Variants in RBMS1 observed in about 807,000 individuals in gnomAD.
RBMS1 encodes the protein RNA-binding motif, single-stranded-interacting protein 1.
RBMS1 carries 17 observed loss-of-function variants against 62.3 expected under a neutral mutation model. The observed-to-expected ratio is 0.27, with a 90% CI of 0.19 to 0.41. The LOEUF (loss-of-function observed/expected upper bound fraction) is 0.41, where lower values mean the gene tolerates loss of function less well. RBMS1 is among the 10% of genes least tolerant of loss of function. The pLI is 1.00. For synonymous variants in RBMS1, 172 were observed against 170.0 expected, an observed-to-expected ratio of 1.01 and a Z score of -0.09; for missense variants, 334 against 504.5, an observed-to-expected ratio of 0.66 and a Z score of 3.24.
chr2:160,336,428 G>C (rs1298461820), intron 2 of RBMS1, among the ~76,000 whole-genome samples: 1 of 152,012 alleles, frequency 6.6e-6, no homozygotes, highest in Non-Finnish European at 1.5e-5. Flanking sequence ...AGAGGGAACA[G>C]GATATTGTAT....
intron 1 of RBMS1, among the ~76,000 whole-genome samples, chr2:160,464,415 T>C (rs1340634842): frequency 1.3e-5 from 2 of 152,230 alleles, no homozygotes; most frequent in African/African-American, 2.4e-5. Flanking sequence ...TTTAAAAACA[T>C]AAAATACAGT....
chr2:160,350,440 T>C (rs1692431067), intron 2 of RBMS1, among the ~76,000 whole-genome samples: 1 of 151,954 alleles, frequency 6.6e-6, no homozygotes, highest in South Asian at 2.1e-4. Flanking sequence ...AACAATGAGG[T>C]ACAAATGAAC....
chr2:160,393,262 T>C (rs1291279828), intron 1 of RBMS1, among the ~76,000 whole-genome samples: 2 of 152,212 alleles, frequency 1.3e-5, no homozygotes, highest in Non-Finnish European at 2.9e-5. Flanking sequence ...AAATCAGACA[T>C]GTTCTTACTA....
intron 1 of RBMS1, among the ~76,000 whole-genome samples, chr2:160,378,656 A>G (rs1694124312): frequency 6.6e-6 from 1 of 151,978 alleles, no homozygotes; most frequent in African/African-American, 2.4e-5. Context: ...TTTCTGTCAT[A>G]AGAGTACACT....
At chr2:160,492,356 G>C (rs1366589522) in intron 1 of RBMS1, among the ~76,000 whole-genome samples, 1 of 152,008 alleles carries the variant, frequency 6.6e-6, no homozygotes, top group African/African-American at 2.4e-5. Flanking sequence ...AATTCTTATT[G>C]TAAAAATAAG....
rs768717065 is a variant in RBMS1, at chr2:160,272,677, G to C, written c.*2095C>G. The C allele has an allele frequency of 6.6e-6, 1 of 151,996 alleles. No homozygotes were observed. The highest frequency in any genetic ancestry group is 2.1e-4 in the South Asian group (1 of 4,816). 9.4% of individuals were successfully genotyped at this position (151,996 alleles called of 1,614,324 possible). ...GTACTAGGTACACAGAGGGTGCTGC[G>C]TTCAGTCTGGACTTTCACAAAGCAG... On this transcript the variant is annotated 3_prime_UTR_variant, in exon 14 of 14. Transcript: ENST00000348849.
intron 2 of RBMS1, among the ~76,000 whole-genome samples, chr2:160,328,954 G>A (rs886482621): frequency 8.5e-5 from 13 of 152,142 alleles, no homozygotes; most frequent in African/African-American, 2.9e-4. Flanking sequence ...CATCCTCTCT[G>A]AAGCAAAACA....
At chr2:160,426,299 AAGGAAG>A (rs1682608397) in intron 1 of RBMS1, among the ~76,000 whole-genome samples, 3 of 29,508 alleles carry the variant, frequency 1.0e-4, no homozygotes, top group Non-Finnish European at 1.6e-4. Context: ...GAAAAGAAAG[AAGGAAG>A]GAAGGAAGGA....
At chr2:160,411,900 G>A (rs1227200049) in intron 1 of RBMS1, among the ~76,000 whole-genome samples, 1 of 152,202 alleles carries the variant, frequency 6.6e-6, no homozygotes, top group African/African-American at 2.4e-5. Flanking sequence ...TTAAATGGCT[G>A]AATGAATATT....
chr2:160,330,271 A>G (rs1691183583), intron 2 of RBMS1, among the ~76,000 whole-genome samples: 1 of 152,224 alleles, frequency 6.6e-6, no homozygotes, highest in South Asian at 2.1e-4. Flanking sequence ...TGAGTTGTCA[A>G]CTGTTGGTTA....
intron 1 of RBMS1, among the ~76,000 whole-genome samples, chr2:160,457,751 G>C (rs12617598): frequency 1 from 152,038 of 152,240 alleles, 75,918 homozygotes; most frequent in Non-Finnish European, 1. Flanking sequence ...ATCAGCTGGG[G>C]AGGGCTGCCT....
intron 1 of RBMS1, among the ~76,000 whole-genome samples, chr2:160,377,090 GTTT>G (rs138453540): frequency 1.3e-5 from 2 of 148,254 alleles, no homozygotes; most frequent in African/African-American, 5.0e-5. Context: ...GGCTTGCTGG[GTTT>G]TTTTTTTAAC....
intron 2 of RBMS1, among the ~76,000 whole-genome samples, chr2:160,348,105 G>A (rs954522692): frequency 6.6e-6 from 1 of 152,036 alleles, no homozygotes; most frequent in Non-Finnish European, 1.5e-5. Flanking sequence ...ATTAAAGGAT[G>A]CTATGTATTG....
At chr2:160,306,750 T>C (rs1689550479) in intron 4 of RBMS1, among the ~76,000 whole-genome samples, 1 of 152,036 alleles carries the variant, frequency 6.6e-6, no homozygotes, top group Non-Finnish European at 1.5e-5. Flanking sequence ...TAAATTTTAC[T>C]TTCTTTTTAG....
At chr2:160,406,382 C>G (rs534802985) in intron 1 of RBMS1, among the ~76,000 whole-genome samples, 51 of 152,312 alleles carry the variant, frequency 3.3e-4, no homozygotes, top group African/African-American at 9.6e-4. Context: ...GGGAAGCCAC[C>G]AAGCATCACT....
At chr2:160,378,728 C>T (rs1273611549) in intron 1 of RBMS1, among the ~76,000 whole-genome samples, 1 of 152,116 alleles carries the variant, frequency 6.6e-6, no homozygotes, top group Admixed American at 6.5e-5. Context: ...ACTAGAATTG[C>T]CTACCCATGG....
intron 1 of RBMS1, among the ~76,000 whole-genome samples, chr2:160,449,208 G>A (rs567593258): frequency 1.4e-4 from 21 of 150,614 alleles, no homozygotes; most frequent in Non-Finnish European, 2.8e-4. Flanking sequence ...GAGGTGGGGG[G>A]CAGCCCCCGC....
intron 7 of RBMS1, among the ~76,000 whole-genome samples, chr2:160,285,279 A>G (rs1212159681): frequency 6.6e-6 from 1 of 151,876 alleles, no homozygotes; most frequent in Non-Finnish European, 1.5e-5. Context: ...AAGGGGAGGG[A>G]GGGGAATTTG....
intron 2 of RBMS1, among the ~76,000 whole-genome samples, chr2:160,358,083 T>A (rs1050217167): frequency 2.6e-5 from 4 of 152,158 alleles, no homozygotes; most frequent in Admixed American, 2.0e-4. Flanking sequence ...GGATTCTATA[T>A]TTCGCTTACC....
Sources: allele counts gnomAD v4.1 joint callset (sites outside exome capture counted in the v4.1 genomes callset), GRCh38; gene constraint gnomAD v4.1.1; transcripts MANE v1.5; gene names NCBI Gene and HGNC (gene_info 2026-07-23, HGNC 2026-07-21).